Variants in KDM1B observed in about 807,000 individuals in gnomAD.
KDM1B encodes the protein lysine-specific histone demethylase 2.
Under a neutral mutation model 107.4 loss-of-function variants are expected in KDM1B, and 63 were observed. The observed-to-expected ratio is 0.59, with a 90% CI of 0.48 to 0.72. The LOEUF is 0.72. Ranked by LOEUF, KDM1B falls within the 30% of genes least tolerant of loss-of-function variation. KDM1B has a pLI of 0.00. For synonymous variants in KDM1B, 363 were observed against 363.9 expected (o/e 1.00, Z 0.03); for missense variants, 749 against 1,020.8 (o/e 0.73, Z 3.63).
At chr6:18,160,079 C>T (rs748744444) in intron 3 of KDM1B, 97 bp downstream of exon 3, 2 of 757,572 alleles carry the variant, frequency 2.6e-6, no homozygotes, top group Non-Finnish European at 4.2e-6. Flanking sequence ...CTCCAGCCCT[C>T]AAGTTGCTTG....
In KDM1B at chr6:18,184,736, C is replaced by CTTTTTTTTTTTTTT. The variant is rs58897300; in HGVS notation, c.535-1025_535-1012dup. Among the ~76,000 whole-genome samples, 48 of 65,460 alleles carry CTTTTTTTTTTTTTT rather than the reference C, an allele frequency of 7.3e-4. 6 individuals are homozygous for CTTTTTTTTTTTTTT. Among genetic ancestry groups the CTTTTTTTTTTTTTT allele is most frequent in the Non-Finnish European group, 9.4e-4 (34 of 36,128 alleles). 42.9% of individuals were successfully genotyped at this position (65,460 alleles called of 152,430 possible). Reference sequence around the variant, plus strand: ...CTTTGGGTTGTTTCTAGCTTTTTTCCTTTTTTTTTTTTTTTTTTTTTTTTA... The same window carrying CTTTTTTTTTTTTTT: ...CTTTGGGTTGTTTCTAGCTTTTTTCCTTTTTTTTTTTTTTTTTTTTTTTTTTTTTTTTTTTTTTA... On this transcript the variant is annotated intron_variant, in intron 7 of 21. Coordinates refer to ENST00000650836, the MANE Select transcript of KDM1B (RefSeq NM_001364614.2).
chr6:18,218,439 G>GAGCCTTT (rs527392892), intron 21 of KDM1B, among the ~76,000 whole-genome samples: 15 of 152,212 alleles, frequency 9.9e-5, no homozygotes, highest in Non-Finnish European at 1.6e-4. Flanking sequence ...GTCATCTTCT[G>GAGCCTTT]ATTTAACATT....
intron 7 of KDM1B, among the ~76,000 whole-genome samples, chr6:18,184,736 CTTTT>C (rs58897300): frequency 2.7e-4 from 18 of 65,464 alleles, no homozygotes; most frequent in Admixed American, 5.2e-4. Flanking sequence ...AGCTTTTTTC[CTTTT>C]TTTTTTTTTT....
chr6:18,217,749 C>G lies in KDM1B; in HGVS notation c.2249C>G (p.Thr750Arg). 6.2e-7 allele frequency: 1 copy of G among 1,612,116 alleles called. No homozygotes were observed. The highest frequency in any genetic ancestry group is 8.5e-7 in the Non-Finnish European group (1 of 1,179,466). The change falls in exon 21 of 22, where the codon ACA becomes AGA. Residue 750 changes from threonine (T) to arginine (R), a missense_variant. Coordinates refer to ENST00000650836, the MANE Select transcript of KDM1B (RefSeq NM_001364614.2). ...TGGACATAGGAGGTCCCAGATCCCA[C>G]AAAGTATTTTGTCACTCGGTGGAGC... ...LFKEQEVPDP[T>R]KYFVTRWSTD... is the part of the protein sequence containing the mutation.
rs1206798675 is a variant in KDM1B, at chr6:18,200,175, A to T, written c.1222-264A>T. 6.6e-6 allele frequency among the ~76,000 whole-genome samples: 1 copy of T among 152,222 alleles called. No homozygotes were observed. Among genetic ancestry groups the T allele is most frequent in the East Asian group, 1.9e-4 (1 of 5,204 alleles). Reference sequence around the variant, plus strand: ...AGGCATGAGCTATCGCATCTGGCCTAGTTCATCAAATCTTAGTATCTGGTT... The same window carrying T: ...AGGCATGAGCTATCGCATCTGGCCTTGTTCATCAAATCTTAGTATCTGGTT... On this transcript the variant is annotated intron_variant, in intron 12 of 21. Coordinates refer to ENST00000650836, the MANE Select transcript of KDM1B (RefSeq NM_001364614.2). The surrounding 1 kb of genome is among the most constrained non-coding windows in gnomAD (Gnocchi z 4.3).
rs1292610398 is a variant in KDM1B, at chr6:18,223,418, C to A, written c.*1426C>A. 1 of 138,918 alleles carries A rather than the reference C, an allele frequency of 7.2e-6. No individual in the cohort carries two copies. Among genetic ancestry groups the A allele is most frequent in the Non-Finnish European group, 1.5e-5 (1 of 66,484 alleles). The allele number at this position is 138,918 out of a possible 1,614,324, so 8.6% of individuals were successfully genotyped here. Reference sequence around the variant, plus strand: ...TATCTCAAAAGTTAACCCAAGACAACTCTGATATTTAGGTTATTTGTTGAG... The same window carrying A: ...TATCTCAAAAGTTAACCCAAGACAAATCTGATATTTAGGTTATTTGTTGAG... On this transcript the variant is annotated 3_prime_UTR_variant, in exon 22 of 22. Coordinates refer to ENST00000650836, the MANE Select transcript of KDM1B (RefSeq NM_001364614.2).
chr6:18,174,363 A>G (rs1785853577), intron 7 of KDM1B, among the ~76,000 whole-genome samples: 1 of 152,126 alleles, frequency 6.6e-6, no homozygotes, highest in Non-Finnish European at 1.5e-5. Context: ...CATTGAATCT[A>G]TGGGTCATTT....
In KDM1B at chr6:18,203,057, A is replaced by T. The variant is rs1788148064; in HGVS notation, c.1531+1400A>T. 6.6e-6 allele frequency among the ~76,000 whole-genome samples: 1 copy of T among 152,304 alleles called. No individual in the cohort carries two copies. Among genetic ancestry groups the T allele is most frequent in the Non-Finnish European group, 1.5e-5 (1 of 68,016 alleles). ...GTTGCAGTCACTGGCTGGAGTTTTC[A>T]TTACATGTCTTTCAGAGTCACCATA... On this transcript the variant is annotated intron_variant, in intron 14 of 21. Coordinates refer to ENST00000650836, the MANE Select transcript of KDM1B (RefSeq NM_001364614.2). This position sits in a 1 kb window ranked among gnomAD's most constrained non-coding sequence, Gnocchi z 5.5.
chr6:18,212,468 C>T lies in KDM1B; in HGVS notation c.1867-20C>T. The T allele has an allele frequency of 2.1e-6, 3 of 1,411,978 alleles. No homozygotes were observed. Among genetic ancestry groups the T allele is most frequent in the Non-Finnish European group, 3.0e-6 (3 of 995,480 alleles). The allele number at this position is 1,411,978 out of a possible 1,614,324, so 87.5% of individuals were successfully genotyped here. On this transcript the variant is annotated intron_variant, in intron 17 of 21. Coordinates refer to ENST00000650836, the MANE Select transcript of KDM1B (RefSeq NM_001364614.2). The surrounding 1 kb of genome is among the most constrained non-coding windows in gnomAD (Gnocchi z 5.2). The stretch of plus-strand genomic sequence containing the variant: ...GGTTCTGTTGCTGTTTGTTTGTTAA[C>T]TGTTAATTATTTTCCACAGGTATTA...
chr6:18,197,153 A>T lies in KDM1B; in HGVS notation c.1066A>T (p.Met356Leu). The T allele has an allele frequency of 6.2e-7, 1 of 1,614,120 alleles. No homozygotes were observed. The highest frequency in any genetic ancestry group is 8.5e-7 in the Non-Finnish European group (1 of 1,180,016). ...VQEVERILYFMTRKGLINTGV... is the reference protein window; with the variant it reads ...VQEVERILYFLTRKGLINTGV... ...GGAAGTGGAGAGAATACTGTATTTT[A>T]TGACCAGAAAAGGTCTCATCAACAC... Residue 356 changes from methionine to leucine, a missense_variant, in exon 11 of 22, where the codon ATG becomes TTG. Transcript: ENST00000650836. This position sits in a 1 kb window ranked among gnomAD's most constrained non-coding sequence, Gnocchi z 4.5.
intron 21 of KDM1B, among the ~76,000 whole-genome samples, 165 bp downstream of exon 21, chr6:18,218,050 G>A (rs762507335): frequency 1.4e-4 from 21 of 152,172 alleles, no homozygotes; most frequent in Admixed American, 3.9e-4. Context: ...AGAGGCAGCC[G>A]TTTTTAACCT....
intron 7 of KDM1B, among the ~76,000 whole-genome samples, chr6:18,177,608 T>C (rs1323620577): frequency 2.0e-5 from 3 of 151,978 alleles, no homozygotes; most frequent in African/African-American, 7.2e-5. Context: ...AGGGTCTTGC[T>C]CTATTGCCCA....
chr6:18,165,668 C>T (rs947196492), intron 5 of KDM1B, among the ~76,000 whole-genome samples: 1 of 152,002 alleles, frequency 6.6e-6, no homozygotes, highest in African/African-American at 2.4e-5. Context: ...ACTAAAAATA[C>T]AAAAGTTAGC....
chr6:18,216,246 A>G (rs950586255), intron 20 of KDM1B, among the ~76,000 whole-genome samples: 2 of 151,886 alleles, frequency 1.3e-5, no homozygotes, highest in Non-Finnish European at 2.9e-5. Flanking sequence ...ACACCCAGCT[A>G]ATTTTTGTAT....
Position 18,204,868 on chromosome 6 carries a change from A to C in KDM1B, c.1532-669A>C, listed in dbSNP as rs535461963. 1.3e-3 allele frequency among the ~76,000 whole-genome samples: 191 copies of C among 152,360 alleles called. 3 individuals carry two copies. The highest frequency in any genetic ancestry group is 4.4e-3 in the African/African-American group (183 of 41,590). On this transcript the variant is annotated intron_variant, in intron 14 of 21. Coordinates refer to ENST00000650836, the MANE Select transcript of KDM1B (RefSeq NM_001364614.2). The surrounding 1 kb of genome is among the most constrained non-coding windows in gnomAD (Gnocchi z 4.9). The stretch of plus-strand genomic sequence containing the variant: ...AGACCCTGCAGGGTAGGAATTTACC[A>C]GGAAAAAGATTCAAAGCATTACAGC...
chr6:18,214,875 A>C lies in KDM1B; in HGVS notation c.2110-132A>C. 1 of 800,866 alleles carries C rather than the reference A, an allele frequency of 1.2e-6. No homozygotes were observed. Among genetic ancestry groups the C allele is most frequent in the Non-Finnish European group, 1.9e-6 (1 of 528,478 alleles). The allele number at this position is 800,866 out of a possible 1,614,324, so 49.6% of individuals were successfully genotyped here. A position where few individuals can be genotyped will look rare whatever the true frequency, so the allele number is the denominator to read the frequency against. ...CAGTGAGCCAAGATTGCACCATTGC[A>C]CTCCAGCCTGGGTGACAGAGCAAAA... is the stretch of plus-strand genomic sequence containing the variant. On this transcript the variant is annotated intron_variant, in intron 19 of 21. Coordinates refer to ENST00000650836, the MANE Select transcript of KDM1B (RefSeq NM_001364614.2). The surrounding 1 kb of genome is among the most constrained non-coding windows in gnomAD (Gnocchi z 4.4).
chr6:18,198,457 C>CT (rs1381469557), intron 12 of KDM1B, among the ~76,000 whole-genome samples: 1 of 147,730 alleles, frequency 6.8e-6, no homozygotes, highest in Non-Finnish European at 1.5e-5. Flanking sequence ...TCAAACTCCT[C>CT]AGTTAAAGCG....
rs764328343 is a variant in KDM1B, at chr6:18,191,403, A to C, written c.969+22A>C. The C allele has an allele frequency of 5.8e-6, 9 of 1,546,276 alleles. No individual in the cohort carries two copies. In the South Asian group the frequency reaches 1.1e-4, roughly 18 times the overall value. Reference sequence around the variant, plus strand: ...CAAAGTAAGTAAGGGCATGTTAGCCAATAGCACTGGACAGAGGAGGACCAT... The same window carrying C: ...CAAAGTAAGTAAGGGCATGTTAGCCCATAGCACTGGACAGAGGAGGACCAT... On this transcript the variant is annotated intron_variant, in intron 10 of 21. Coordinates refer to ENST00000650836, the MANE Select transcript of KDM1B (RefSeq NM_001364614.2). This position sits in a 1 kb window ranked among gnomAD's most constrained non-coding sequence, Gnocchi z 5.1.
intron 3 of KDM1B, among the ~76,000 whole-genome samples, chr6:18,160,225 A>G (rs1240466810): frequency 6.6e-6 from 1 of 152,224 alleles, no homozygotes; most frequent in East Asian, 1.9e-4. Flanking sequence ...TAGGATGTTC[A>G]GAGATTCACG....
Sources: allele counts gnomAD v4.1 joint callset (sites outside exome capture counted in the v4.1 genomes callset), GRCh38; gene constraint gnomAD v4.1.1; non-coding constraint Gnocchi (gnomAD v3.1); transcripts MANE v1.5; gene names NCBI Gene and HGNC (gene_info 2026-07-23, HGNC 2026-07-21).